The following SF3B3 variants were observed in gnomAD, a reference collection of about 807,000 sequenced individuals.
The protein encoded by SF3B3 is splicing factor 3b subunit 3, also known as SAP 130.
In SF3B3, 33 loss-of-function variants were observed where a neutral mutation model predicts 139.2. The ratio of observed to expected loss-of-function variants is 0.24; its 90% CI spans 0.18 to 0.32. The LOEUF (loss-of-function observed/expected upper bound fraction) is 0.32. Among genes scored for constraint, SF3B3 ranks in the 10% least tolerant of loss-of-function variants. SF3B3 has a pLI of 1.00. For synonymous variants in SF3B3, 596 were observed against 563.6 expected (o/e 1.06, Z -0.81); for missense variants, 818 against 1,509.4 (o/e 0.54, Z 7.59).
At chr16:70,552,040 A>G (rs1405091106) in intron 11 of SF3B3, among the ~76,000 whole-genome samples, 1 of 152,196 alleles carries the variant, frequency 6.6e-6, no homozygotes, top group Non-Finnish European at 1.5e-5. Flanking sequence ...GTATGACCCT[A>G]TTTAAGTTCA....
intron 15 of SF3B3, among the ~76,000 whole-genome samples, chr16:70,557,643 G>T (rs760724514): frequency 6.6e-6 from 1 of 152,160 alleles, no homozygotes; most frequent in Non-Finnish European, 1.5e-5. Context: ...GTTTTTTTGG[G>T]AGAGGGTTGT....
Position 70,556,779 on chromosome 16 carries a change from G to A in SF3B3, c.1867-107G>A, listed in dbSNP as rs2050382908. The A allele has an allele frequency of 4.7e-6, 6 of 1,279,118 alleles. No homozygotes were observed. The South Asian group carries it at 7.7e-5, about 16-fold the overall frequency. 79.2% of individuals were successfully genotyped at this position (1,279,118 alleles called of 1,614,324 possible). On this transcript the variant is annotated intron_variant, in intron 14 of 25. Coordinates refer to ENST00000302516, the MANE Select transcript of SF3B3 (RefSeq NM_012426.5). The stretch of plus-strand genomic sequence containing the variant: ...AGAACTCACTCCCCGGGTTTTTTCT[G>A]TGCATAAGGAAGTACTTTTTCAATC...
intron 11 of SF3B3, among the ~76,000 whole-genome samples, chr16:70,549,048 A>G (rs1479187016): frequency 6.6e-6 from 1 of 152,264 alleles, no homozygotes; most frequent in Non-Finnish European, 1.5e-5. Context: ...CCTAGTAGTT[A>G]CTGCAATAGC....
intron 17 of SF3B3, among the ~76,000 whole-genome samples, chr16:70,562,932 T>G (rs893374494): frequency 6.6e-6 from 1 of 152,066 alleles, no homozygotes; most frequent in African/African-American, 2.4e-5. Flanking sequence ...GGGCTCAAGC[T>G]ATTTCTGCCT....
intron 20 of SF3B3, 31 bp from the exon 21 acceptor site, chr16:70,567,380 A>G: frequency 6.3e-7 from 1 of 1,594,744 alleles, no homozygotes; most frequent in Non-Finnish European, 8.5e-7. Flanking sequence ...TGGCATTTAT[A>G]ATAGCTGTAT....
At chr16:70,526,878 G>C in intron 2 of SF3B3, 152 bp downstream of exon 2, 1 of 620,100 alleles carries the variant, frequency 1.6e-6, no homozygotes, top group Non-Finnish European at 2.8e-6. Flanking sequence ...TTAAGTTCTG[G>C]TGCATTATCT....
chr16:70,556,028 T>C (rs2151789447), intron 13 of SF3B3, 151 bp from the exon 14 acceptor site: 1 of 697,664 alleles, frequency 1.4e-6, no homozygotes, highest in East Asian at 2.7e-5. Flanking sequence ...AGATAAATTC[T>C]TGTCATTTAC....
chr16:70,530,887 A>G lies in SF3B3; in HGVS notation c.540A>G (p.Pro180=). ...GAGTAGATGTCGGATTTGAAAATCC[A>G]ATGTTTGCTTGTCTGGAAATGGATT... ...VVGVDVGFEN[P]MFACLEMDYE... Residue 180 remains proline, a synonymous_variant, in exon 4 of 26, where the codon CCA becomes CCG. Coordinates refer to ENST00000302516, the MANE Select transcript of SF3B3 (RefSeq NM_012426.5). 1 of 1,613,360 alleles carries G rather than the reference A, an allele frequency of 6.2e-7. No homozygotes were observed. Among genetic ancestry groups the G allele is most frequent in the South Asian group, 1.1e-5 (1 of 90,858 alleles).
chr16:70,571,775 A>G lies in SF3B3; in HGVS notation c.3616A>G (p.Lys1206Glu). Residue 1206 changes from lysine to glutamate, a missense_variant, in exon 26 of 26, where the codon AAG becomes GAG. Physicochemically the swap from Lys to Glu is moderately conservative, Grantham distance 56 (BLOSUM62 1). Transcript: ENST00000302516. ...ELDRTPPEVS[K>E]KLEDIRTRYA... Reference sequence around the variant, plus strand: ...GGACCGAACCCCACCCGAAGTGTCCAAGAAACTCGAGGATATCCGGACCCG... The same window carrying G: ...GGACCGAACCCCACCCGAAGTGTCCGAGAAACTCGAGGATATCCGGACCCG... The G allele has an allele frequency of 6.2e-7, 1 of 1,614,124 alleles. No homozygotes were observed. Among genetic ancestry groups the G allele is most frequent in the Non-Finnish European group, 8.5e-7 (1 of 1,180,014 alleles).
chr16:70,541,572 A>AAT, intron 8 of SF3B3, 97 bp from the exon 9 acceptor site: 2 of 943,692 alleles, frequency 2.1e-6, no homozygotes, highest in Non-Finnish European at 3.2e-6. Context: ...ATAGTATCTT[A>AAT]ATATAATCAA....
Position 70,532,530 on chromosome 16 carries a change from C to G in SF3B3, c.622C>G (p.Leu208Val). Residue 208 changes from leucine (L) to valine (V), a missense_variant, in exon 5 of 26, where the codon CTT (leucine) becomes GTT (valine). Physicochemically the swap from Leu to Val is conservative, Grantham distance 32. This residue lies in a region of SF3B3 where 144 missense variants were observed against 259.2 expected (regional missense o/e 0.56). Coordinates refer to ENST00000302516, the MANE Select transcript of SF3B3 (RefSeq NM_012426.5). ...AGCAGCAGCTAATACCCAGCAGACA[C>G]TTACTTTCTATGAGCTAGACCTTGG... The part of the protein sequence containing the change: ...GEAAANTQQT[L>V]TFYELDLGLN... 2 of 1,614,052 alleles carry G rather than the reference C, an allele frequency of 1.2e-6. No individual in the cohort carries two copies. Among genetic ancestry groups the G allele is most frequent in the Non-Finnish European group, 1.7e-6 (2 of 1,179,930 alleles).
chr16:70,547,766 T>C (rs958676085), intron 10 of SF3B3, among the ~76,000 whole-genome samples: 3 of 152,216 alleles, frequency 2.0e-5, no homozygotes, highest in Non-Finnish European at 4.4e-5. Context: ...CTAATTTTTA[T>C]ATTTTTGCAG....
intron 17 of SF3B3, among the ~76,000 whole-genome samples, chr16:70,562,274 C>G (rs1191671710): frequency 6.6e-6 from 1 of 152,092 alleles, no homozygotes; most frequent in Admixed American, 6.5e-5. Flanking sequence ...GGAAAAGAAC[C>G]TAAAATAATT....
chr16:70,563,116 C>T (rs1051404832), intron 17 of SF3B3, among the ~76,000 whole-genome samples: 7 of 144,906 alleles, frequency 4.8e-5, no homozygotes, highest in African/African-American at 7.7e-5. Flanking sequence ...TACAGGCGTG[C>T]GCCACCATAC....
chr16:70,566,942 C>T (rs2050482547), intron 20 of SF3B3, among the ~76,000 whole-genome samples: 2 of 151,472 alleles, frequency 1.3e-5, no homozygotes, highest in Non-Finnish European at 1.5e-5. Flanking sequence ...CCCAGCTACT[C>T]GGGAGTCTGA....
rs143937395 is a variant in SF3B3 at position 70,564,603 on chromosome 16, A to G, written c.2464-462A>G. Reference sequence around the variant, plus strand: ...ACTGTATTTCCTTTATTTGGGCCCAAAAGAGACAGCTTTCATGTTCTCCAC... The same window carrying G: ...ACTGTATTTCCTTTATTTGGGCCCAGAAGAGACAGCTTTCATGTTCTCCAC... On this transcript the variant is annotated intron_variant, in intron 18 of 25. Coordinates refer to ENST00000302516, the MANE Select transcript of SF3B3 (RefSeq NM_012426.5). 8.6e-3 allele frequency among the ~76,000 whole-genome samples: 1,306 copies of G among 152,278 alleles called. 9 individuals are homozygous for G. The highest frequency in any genetic ancestry group is 0.015 in the Non-Finnish European group (1,026 of 68,022).
intron 15 of SF3B3, among the ~76,000 whole-genome samples, chr16:70,559,056 A>C (rs6499320): frequency 6.6e-6 from 1 of 151,988 alleles, no homozygotes; most frequent in African/African-American, 2.4e-5. Context: ...CGTCAGGAGG[A>C]GTGTAGTGTC....
intron 10 of SF3B3, among the ~76,000 whole-genome samples, chr16:70,547,060 C>T (rs759327739): frequency 7.9e-5 from 12 of 152,018 alleles, no homozygotes; most frequent in Non-Finnish European, 1.0e-4. Flanking sequence ...AATTGTTGAA[C>T]GTTGCTTTAT....
chr16:70,552,919 T>G (rs1047485482), intron 11 of SF3B3, among the ~76,000 whole-genome samples: 1 of 152,182 alleles, frequency 6.6e-6, no homozygotes, highest in Non-Finnish European at 1.5e-5. Context: ...ATACATCTTT[T>G]TTGTTTGTTT....
Sources: gnomAD v4.1 joint callset for allele counts (sites outside exome capture counted in the v4.1 genomes callset) on GRCh38, gnomAD v4.1.1 for gene constraint, gnomAD v4.1.1 regional missense constraint, MANE v1.5 for transcripts, NCBI Gene and HGNC (gene_info 2026-07-23, HGNC 2026-07-21) for gene names.